Variants in PRDX6 observed in about 807,000 individuals in gnomAD.
PRDX6 encodes the protein peroxiredoxin-6.
A neutral mutation model predicts 20.0 loss-of-function variants in PRDX6; 13 were observed. The observed-to-expected ratio is 0.65, with a 90% CI of 0.42 to 1.03. The LOEUF is 1.03. Among genes scored for constraint, PRDX6 ranks in the 50% least tolerant of loss-of-function variants. The probability of loss-of-function intolerance (pLI) is 0.00; values close to 1 mark genes in which losing one functional copy is unlikely to be tolerated. For missense variants in PRDX6, 203 were observed against 276.9 expected (o/e 0.73, Z 1.89); for synonymous variants, 85 against 100.8 (o/e 0.84, Z 0.94).
chr1:173,480,013 A>G (rs919911306), intron 1 of PRDX6, among the ~76,000 whole-genome samples: 1 of 152,198 alleles, frequency 6.6e-6, no homozygotes, highest in Non-Finnish European at 1.5e-5. Context: ...TCATCTAACC[A>G]TTAAATAGAT....
At chr1:173,477,618 G>A in intron 1 of PRDX6, 126 bp downstream of exon 1, 3 of 784,282 alleles carry the variant, frequency 3.8e-6, no homozygotes, top group South Asian at 3.4e-5. Context: ...GCCTTCCCCC[G>A]CACTGGTTCC....
At chr1:173,482,141 A>T (rs1177814704) in intron 2 of PRDX6, among the ~76,000 whole-genome samples, 5 of 152,194 alleles carry the variant, frequency 3.3e-5, no homozygotes. Flanking sequence ...TTCACATCAT[A>T]CATCTGATTT....
At position 173,485,371 on chromosome 1, in the gene PRDX6, C is replaced by A; in HGVS notation, c.263C>A (p.Ala88Asp). ...DHLAWSKDIN[A>D]YNCEEPTEKL... is the part of the protein sequence containing the mutation. ...TTACTTGTGTTTCAGGATATCAATG[C>A]TTACAATTGTGAAGAGCCCACAGAA... The change falls in exon 3 of 5, where the codon GCT (alanine) becomes GAT (aspartate). Residue 88 changes from alanine (A) to aspartate (D), a missense_variant. Coordinates refer to ENST00000340385, the MANE Select transcript of PRDX6 (RefSeq NM_004905.3). 6.3e-7 allele frequency: 1 copy of A among 1,591,408 alleles called. No individual in the cohort carries two copies. Among genetic ancestry groups the A allele is most frequent in the Non-Finnish European group, 8.6e-7 (1 of 1,167,824 alleles).
chr1:173,477,389 AC>A lies in PRDX6; in HGVS notation c.-7del. 2 of 1,599,046 alleles carry A rather than the reference AC, an allele frequency of 1.3e-6. No homozygotes were observed. Among genetic ancestry groups the A allele is most frequent in the Non-Finnish European group, 1.7e-6 (2 of 1,173,618 alleles). ...GCTGTCCCAGCGGCGCCCCCTCATCACCGTCGCCATGCCCGGAGGTCTGCTT... is the reference window on the plus strand; with the variant it reads ...GCTGTCCCAGCGGCGCCCCCTCATCACGTCGCCATGCCCGGAGGTCTGCTT... On this transcript the variant is annotated 5_prime_UTR_variant, in exon 1 of 5. Transcript: ENST00000340385.
At chr1:173,487,654 TA>T in intron 4 of PRDX6, 80 bp from the exon 5 acceptor site, 1 of 1,504,026 alleles carries the variant, frequency 6.6e-7, no homozygotes, top group South Asian at 1.2e-5. Flanking sequence ...CACCTGTAGC[TA>T]CTTTTCTAAA....
chr1:173,479,705 G>T (rs907019897), intron 1 of PRDX6, among the ~76,000 whole-genome samples: 1 of 152,204 alleles, frequency 6.6e-6, no homozygotes, highest in Non-Finnish European at 1.5e-5. Context: ...GCATGTCACT[G>T]AATTACTCTT....
intron 1 of PRDX6, among the ~76,000 whole-genome samples, chr1:173,480,086 A>G (rs938510048): frequency 1.3e-5 from 2 of 152,212 alleles, no homozygotes; most frequent in Admixed American, 6.5e-5. Context: ...TTCAAAAGAT[A>G]TACTCTATGT....
Position 173,485,171 on chromosome 1 carries a change from T to C in PRDX6, c.253-190T>C, listed in dbSNP as rs34683148. Among the ~76,000 whole-genome samples, 1,481 of 152,330 alleles carry C rather than the reference T, an allele frequency of 9.7e-3. 28 individuals carry two copies. Among genetic ancestry groups the C allele is most frequent in the African/African-American group, 0.034 (1,421 of 41,572 alleles). On this transcript the variant is annotated intron_variant, in intron 2 of 4. Coordinates refer to ENST00000340385, the MANE Select transcript of PRDX6 (RefSeq NM_004905.3). ...TGATTACAACCTAAGTACTGTACTCTGCTGTTATTCCTGGCAATAATTGGA... is the reference window on the plus strand; with the variant it reads ...TGATTACAACCTAAGTACTGTACTCCGCTGTTATTCCTGGCAATAATTGGA...
chr1:173,484,107 ACT>A (rs1557997311), intron 2 of PRDX6, among the ~76,000 whole-genome samples: 2 of 125,236 alleles, frequency 1.6e-5, no homozygotes, highest in Non-Finnish European at 3.2e-5. Context: ...CGACAGCAAG[ACT>A]CTGTCTCAAA....
intron 1 of PRDX6, among the ~76,000 whole-genome samples, chr1:173,479,879 A>G (rs1658772623): frequency 6.6e-6 from 1 of 152,218 alleles, no homozygotes; most frequent in South Asian, 2.1e-4. Flanking sequence ...TCAGCAAAAC[A>G]GTCTTTATGG....
At chr1:173,481,961 C>T (rs1658810980) in intron 2 of PRDX6, 2 of 159,522 alleles carry the variant, frequency 1.3e-5, no homozygotes, top group East Asian at 1.8e-4. Flanking sequence ...TTCATATAAC[C>T]ACTGCCTACC....
chr1:173,484,633 G>A lies in PRDX6; in HGVS notation c.253-728G>A, dbSNP rs145637382. On this transcript the variant is annotated intron_variant, in intron 2 of 4. Transcript: ENST00000340385. ...TTTTCTCCAAAAGCTTCCAGGGATA[G>A]GAAAAGTAGAAATAAATGGATGAAT... Among the ~76,000 whole-genome samples the A allele has an allele frequency of 6.6e-5, 10 of 152,110 alleles. No individual in the cohort carries two copies. The East Asian group carries it at 1.7e-3, about 26-fold the overall frequency.
chr1:173,486,242 C>T lies in PRDX6; in HGVS notation c.400-13C>T. 1 of 1,587,144 alleles carries T rather than the reference C, an allele frequency of 6.3e-7. No individual in the cohort carries two copies. Among genetic ancestry groups the T allele is most frequent in the East Asian group, 2.3e-5 (1 of 44,158 alleles). ...AAGAACTCTTCCTATTTATGCCCCT[C>T]TGTGCTTTACAGGTGTTTGTTTTTG... On this transcript the variant is annotated splice_polypyrimidine_tract_variant and intron_variant, in intron 3 of 4. Transcript: ENST00000340385.
At chr1:173,483,246 T>G (rs1049150852) in intron 2 of PRDX6, among the ~76,000 whole-genome samples, 3 of 152,322 alleles carry the variant, frequency 2.0e-5, no homozygotes, top group African/African-American at 7.2e-5. Context: ...TTCAGAATTG[T>G]GATTACATTG....
At chr1:173,486,208 T>G (rs1658893500) in intron 3 of PRDX6, 47 bp from the exon 4 acceptor site, 1 of 1,500,114 alleles carries the variant, frequency 6.7e-7, no homozygotes, top group South Asian at 1.4e-5. Context: ...GTGGCTTTAA[T>G]AACACTCAAA....
chr1:173,480,964 A>C (rs746156260), intron 1 of PRDX6, among the ~76,000 whole-genome samples: 1 of 152,250 alleles, frequency 6.6e-6, no homozygotes, highest in Non-Finnish European at 1.5e-5. Flanking sequence ...AAGGATAAGA[A>C]GAAATAATTA....
Position 173,477,455 on chromosome 1 carries a change from G to A in PRDX6, c.58G>A (p.Val20Ile). The change falls in exon 1 of 5, where the codon GTC (valine) becomes ATC (isoleucine). Residue 20 changes from valine to isoleucine, a missense_variant. Coordinates refer to ENST00000340385, the MANE Select transcript of PRDX6 (RefSeq NM_004905.3). ...TCCCAACTTTGAGGCCAATACCACC[G>A]TCGGCCGCATCCGTTTCCACGACTT... ...VAPNFEANTT[V>I]GRIRFHDFLG... 7 of 1,607,536 alleles carry A rather than the reference G, an allele frequency of 4.4e-6. No individual in the cohort carries two copies. Among genetic ancestry groups the A allele is most frequent in the East Asian group, 2.3e-5 (1 of 43,952 alleles).
Position 173,481,180 on chromosome 1 carries a change from A to G in PRDX6, c.96-146A>G, listed in dbSNP as rs866601388. On this transcript the variant is annotated intron_variant, in intron 1 of 4. Transcript: ENST00000340385. ...TAAGTAGATTGAAAAGCACTCCTCA[A>G]CAGAAAAGCTTAAAAGTAAATATCA... 27 of 802,488 alleles carry G rather than the reference A, an allele frequency of 3.4e-5. No individual in the cohort carries two copies. In the Middle Eastern group the frequency reaches 1.1e-3, roughly 33 times the overall value. 49.7% of individuals were successfully genotyped at this position (802,488 alleles called of 1,614,324 possible).
rs1329178417 is a variant in PRDX6, at chr1:173,486,368, A to G, written c.513A>G (p.Ala171=). The change falls in exon 4 of 5, where the codon GCA becomes GCG. Residue 171 remains alanine, a synonymous_variant. Coordinates refer to ENST00000340385, the MANE Select transcript of PRDX6 (RefSeq NM_004905.3). ...TAGTCATCTCTCTCCAGCTGACAGCAGAAAAAAGGGTTGCCACCCCAGTTG... is the reference window on the plus strand; with the variant it reads ...TAGTCATCTCTCTCCAGCTGACAGCGGAAAAAAGGGTTGCCACCCCAGTTG... ...LRVVISLQLT[A]EKRVATPVDW... The G allele has an allele frequency of 1.2e-6, 2 of 1,611,632 alleles. No homozygotes were observed. Among genetic ancestry groups the G allele is most frequent in the Non-Finnish European group, 1.7e-6 (2 of 1,179,112 alleles).
Sources: allele counts gnomAD v4.1 joint callset (sites outside exome capture counted in the v4.1 genomes callset), GRCh38; gene constraint gnomAD v4.1.1; transcripts MANE v1.5; gene names NCBI Gene and HGNC (gene_info 2026-07-23, HGNC 2026-07-21).